Variants in P4HA1 observed in about 807,000 individuals in gnomAD.
The protein encoded by P4HA1 is prolyl 4-hydroxylase subunit alpha 1, also known as prolyl 4-hydroxylase subunit alpha-1.
In P4HA1, 24 loss-of-function variants were observed where a neutral mutation model predicts 72.8. The ratio of observed to expected loss-of-function variants is 0.33; its 90% confidence interval spans 0.24 to 0.46. The LOEUF (loss-of-function observed/expected upper bound fraction) is 0.46, where lower values mean the gene tolerates loss of function less well. P4HA1 is among the 20% of genes least tolerant of loss of function. The pLI is 1.00. For missense variants in P4HA1, 446 were observed against 640.6 expected (o/e 0.70, Z 3.28); for synonymous variants, 201 against 218.8 (o/e 0.92, Z 0.72).
chr10:73,086,933 CAAAAAAAAAAAAA>C (rs59200288), intron 1 of P4HA1, among the ~76,000 whole-genome samples: 2 of 33,098 alleles, frequency 6.0e-5, no homozygotes. Context: ...GAGTGCATCT[CAAAAAAAAAAAAA>C]AAAAAAAAAA....
chr10:73,073,165 G>A (rs1264287790), intron 3 of P4HA1, among the ~76,000 whole-genome samples: 1 of 114,004 alleles, frequency 8.8e-6, no homozygotes, highest in East Asian at 2.9e-4. Flanking sequence ...GCAAGACTCT[G>A]TCACAAAAAA....
chr10:73,040,970 TG>T (rs1840718690), intron 9 of P4HA1, among the ~76,000 whole-genome samples: 1 of 152,188 alleles, frequency 6.6e-6, no homozygotes, highest in African/African-American at 2.4e-5. Context: ...ATTAGCTTAA[TG>T]TAAAAATCGG....
intron 9 of P4HA1, among the ~76,000 whole-genome samples, chr10:73,039,085 G>A (rs949942133): frequency 1.7e-4 from 26 of 152,146 alleles, no homozygotes; most frequent in African/African-American, 6.0e-4. Context: ...TTTGAGACCA[G>A]CCTAGGCAAT....
chr10:73,023,809 A>G (rs1330394323), intron 10 of P4HA1, among the ~76,000 whole-genome samples: 2 of 103,240 alleles, frequency 1.9e-5, no homozygotes, highest in Non-Finnish European at 3.5e-5. Context: ...AAATGGAAAG[A>G]AAAAAAAAAA....
chr10:73,094,494 A>T (rs943313048), intron 1 of P4HA1, among the ~76,000 whole-genome samples: 1 of 152,212 alleles, frequency 6.6e-6, no homozygotes, highest in Non-Finnish European at 1.5e-5. Flanking sequence ...AAAGGATTTC[A>T]TGACCTTAAA....
At chr10:73,019,278 CCCAAACAG>C (rs1248358299) in intron 10 of P4HA1, among the ~76,000 whole-genome samples, 1 of 152,114 alleles carries the variant, frequency 6.6e-6, no homozygotes, top group Non-Finnish European at 1.5e-5. Context: ...CCACACCCTT[CCCAAACAG>C]CCCAACAGAA....
chr10:73,035,761 C>T (rs1002819563), intron 9 of P4HA1, among the ~76,000 whole-genome samples: 5 of 152,186 alleles, frequency 3.3e-5, no homozygotes, highest in Non-Finnish European at 7.3e-5. Flanking sequence ...AAAACAGTTG[C>T]AATGATTTAC....
At chr10:73,053,762 T>C (rs560056248) in intron 5 of P4HA1, among the ~76,000 whole-genome samples, 172 bp from the exon 6 acceptor site, 1 of 152,216 alleles carries the variant, frequency 6.6e-6, no homozygotes, top group South Asian at 2.1e-4. Flanking sequence ...TATAATATAA[T>C]GTAGATAAAC....
intron 1 of P4HA1, among the ~76,000 whole-genome samples, chr10:73,085,943 ATGAT>A (rs1167290146): frequency 6.6e-6 from 1 of 152,182 alleles, no homozygotes; most frequent in Non-Finnish European, 1.5e-5. Flanking sequence ...TAACTGCACT[ATGAT>A]TGCACCTGTG....
At chr10:73,071,455 G>C (rs1019525244) in intron 4 of P4HA1, 1 of 151,986 alleles carries the variant, frequency 6.6e-6, no homozygotes, top group African/African-American at 2.4e-5. Context: ...GGGCGGCGGG[G>C]GGCGAGGCAT....
intron 10 of P4HA1, among the ~76,000 whole-genome samples, chr10:73,017,118 T>C (rs921944406): frequency 3.3e-5 from 5 of 150,810 alleles, no homozygotes; most frequent in African/African-American, 1.2e-4. Flanking sequence ...TACAGATGTA[T>C]ATATAGATAT....
At chr10:73,088,063 G>GA (rs1184744777) in intron 1 of P4HA1, among the ~76,000 whole-genome samples, 3 of 151,912 alleles carry the variant, frequency 2.0e-5, no homozygotes, top group African/African-American at 7.3e-5. Flanking sequence ...CACAATCTAT[G>GA]AACATTTTTT....
At chr10:73,048,821 T>C (rs1428205293) in intron 7 of P4HA1, among the ~76,000 whole-genome samples, 2 of 152,180 alleles carry the variant, frequency 1.3e-5, no homozygotes, top group South Asian at 2.1e-4. Flanking sequence ...AAATATTTAG[T>C]AATGAAACAG....
At chr10:73,061,938 G>C (rs938209539) in intron 5 of P4HA1, among the ~76,000 whole-genome samples, 8 of 152,220 alleles carry the variant, frequency 5.3e-5, no homozygotes, top group African/African-American at 1.7e-4. Flanking sequence ...AGGATGGCTT[G>C]AGTCCAAAAG....
chr10:73,070,302 G>A (rs1841530333), intron 4 of P4HA1, among the ~76,000 whole-genome samples: 1 of 151,422 alleles, frequency 6.6e-6, no homozygotes, highest in Non-Finnish European at 1.5e-5. Context: ...GATTAAAGGT[G>A]CCCACCACCA....
intron 5 of P4HA1, among the ~76,000 whole-genome samples, chr10:73,054,215 G>C (rs956698408): frequency 6.6e-6 from 1 of 152,092 alleles, no homozygotes; most frequent in Non-Finnish European, 1.5e-5. Flanking sequence ...CACCATATGA[G>C]ATATATCTAT....
intron 10 of P4HA1, among the ~76,000 whole-genome samples, chr10:73,025,172 C>T (rs967892893): frequency 1.3e-5 from 2 of 152,084 alleles, no homozygotes; most frequent in African/African-American, 4.8e-5. Context: ...CTGGCAGAGA[C>T]ACAACAAAAA....
chr10:73,060,334 T>C (rs2133112334), intron 5 of P4HA1, among the ~76,000 whole-genome samples: 1 of 152,366 alleles, frequency 6.6e-6, no homozygotes, highest in South Asian at 2.1e-4. Context: ...TTCCTGTCTC[T>C]GTTTATGACA....
intron 10 of P4HA1, among the ~76,000 whole-genome samples, chr10:73,019,765 T>C (rs542761370): frequency 1.1e-5 from 1 of 94,264 alleles, no homozygotes; most frequent in East Asian, 2.8e-4. Context: ...ATGAATGAAA[T>C]TAAAAATACA....
Sources: allele counts gnomAD v4.1 joint callset (sites outside exome capture counted in the v4.1 genomes callset), GRCh38; gene constraint gnomAD v4.1.1; transcripts MANE v1.5; gene names NCBI Gene and HGNC (gene_info 2026-07-23, HGNC 2026-07-21).